The following MACROD2 variants were observed in gnomAD, a reference collection of about 807,000 sequenced individuals.
The protein encoded by MACROD2 is ADP-ribose glycohydrolase MACROD2.
Under a neutral mutation model 70.4 loss-of-function variants are expected in MACROD2, and 36 were observed. That is an observed-to-expected ratio of 0.51 (90% confidence interval 0.39 to 0.68). The LOEUF is 0.68. MACROD2 is among the 30% of genes least tolerant of loss of function. The pLI, the probability that MACROD2 is intolerant of heterozygous loss-of-function variation, is 0.00. For missense variants in MACROD2, 496 were observed against 538.4 expected, an observed-to-expected ratio of 0.92 and a Z score of 0.78; for synonymous variants, 172 against 178.8, an observed-to-expected ratio of 0.96 and a Z score of 0.30.
chr20:15,002,453 A>G (rs6135322), intron 5 of MACROD2, among the ~76,000 whole-genome samples: 2 of 151,872 alleles, frequency 1.3e-5, no homozygotes, highest in East Asian at 3.9e-4. Flanking sequence ...CCACTTTTCG[A>G]TGGGATTGTT....
chr20:15,584,394 AT>A (rs1293028874), intron 8 of MACROD2, among the ~76,000 whole-genome samples: 7 of 151,128 alleles, frequency 4.6e-5, no homozygotes, highest in African/African-American at 1.7e-4. Context: ...CTGAGATAAA[AT>A]GGAATAGCTT....
intron 9 of MACROD2, among the ~76,000 whole-genome samples, chr20:15,877,392 T>C (rs1235738223): frequency 6.6e-6 from 1 of 152,176 alleles, no homozygotes; most frequent in Non-Finnish European, 1.5e-5. Flanking sequence ...GCTTGATTTA[T>C]AAAGTAATTA....
chr20:15,564,018 T>C (rs2048279012), intron 8 of MACROD2, among the ~76,000 whole-genome samples: 1 of 152,204 alleles, frequency 6.6e-6, no homozygotes. Context: ...TTAGATCCCC[T>C]AAACTTCCTT....
At chr20:15,901,730 A>C (rs138245742) in intron 10 of MACROD2, among the ~76,000 whole-genome samples, 1 of 152,168 alleles carries the variant, frequency 6.6e-6, no homozygotes, top group African/African-American at 2.4e-5. Context: ...ACCATTTCTC[A>C]ATCTCTACTT....
chr20:15,890,668 C>A (rs2064877049), intron 10 of MACROD2, among the ~76,000 whole-genome samples: 1 of 152,134 alleles, frequency 6.6e-6, no homozygotes, highest in African/African-American at 2.4e-5. Flanking sequence ...CCACAGAAAA[C>A]CTAGCCTAGT....
At chr20:15,126,597 T>A (rs1471312311) in intron 5 of MACROD2, among the ~76,000 whole-genome samples, 1 of 152,098 alleles carries the variant, frequency 6.6e-6, no homozygotes, top group African/African-American at 2.4e-5. Flanking sequence ...ATAATTGAAA[T>A]AGCTCAAAGT....
At chr20:14,740,371 A>G (rs920793999) in intron 5 of MACROD2, among the ~76,000 whole-genome samples, 3 of 152,126 alleles carry the variant, frequency 2.0e-5, no homozygotes, top group Non-Finnish European at 2.9e-5. Flanking sequence ...CTATCACCCT[A>G]CTAAATAATT....
intron 8 of MACROD2, among the ~76,000 whole-genome samples, chr20:15,836,040 G>C (rs2064110729): frequency 6.6e-6 from 1 of 152,168 alleles, no homozygotes; most frequent in Non-Finnish European, 1.5e-5. Context: ...CTCAGATCAA[G>C]TCCATTTCCA....
chr20:14,966,413 G>A (rs1160258115), intron 5 of MACROD2, among the ~76,000 whole-genome samples: 1 of 151,956 alleles, frequency 6.6e-6, no homozygotes, highest in Non-Finnish European at 1.5e-5. Context: ...CCATTTCTAC[G>A]AAGAATAAAA....
chr20:14,431,876 G>T (rs1264839892), intron 3 of MACROD2, among the ~76,000 whole-genome samples: 1 of 152,040 alleles, frequency 6.6e-6, no homozygotes, highest in Non-Finnish European at 1.5e-5. Context: ...AAGCTCTGTT[G>T]CAATTACCTC....
At chr20:15,774,817 A>G (rs2051694436) in intron 8 of MACROD2, among the ~76,000 whole-genome samples, 1 of 151,700 alleles carries the variant, frequency 6.6e-6, no homozygotes, top group Non-Finnish European at 1.5e-5. Context: ...GAAAAAAAAA[A>G]TGTGTTAATG....
intron 6 of MACROD2, among the ~76,000 whole-genome samples, chr20:15,300,201 C>G (rs760077488): frequency 2.0e-5 from 3 of 152,102 alleles, no homozygotes; most frequent in Non-Finnish European, 4.4e-5. Flanking sequence ...GCTTTTGTCT[C>G]CATAGAGAGT....
At chr20:15,308,558 C>A (rs1458160310) in intron 6 of MACROD2, among the ~76,000 whole-genome samples, 6 of 152,094 alleles carry the variant, frequency 3.9e-5, no homozygotes, top group Non-Finnish European at 8.8e-5. Flanking sequence ...ACTCAAACTT[C>A]CAGTGTTAAA....
intron 3 of MACROD2, among the ~76,000 whole-genome samples, chr20:14,464,954 A>C (rs1406659995): frequency 2.0e-5 from 3 of 152,100 alleles, no homozygotes; most frequent in Non-Finnish European, 2.9e-5. Context: ...TTTACTTCCA[A>C]CTATGTGGTC....
chr20:15,894,634 A>G (rs1186449405), intron 10 of MACROD2, among the ~76,000 whole-genome samples: 1 of 152,224 alleles, frequency 6.6e-6, no homozygotes, highest in Non-Finnish European at 1.5e-5. Context: ...CAAGGAGCAA[A>G]GGAGGAATAT....
At chr20:14,062,151 T>A (rs1425625176) in intron 2 of MACROD2, among the ~76,000 whole-genome samples, 1 of 152,198 alleles carries the variant, frequency 6.6e-6, no homozygotes, top group Non-Finnish European at 1.5e-5. Flanking sequence ...TCTATTATTG[T>A]TCACTAAAAT....
At chr20:15,313,511 A>C (rs2077776404) in intron 6 of MACROD2, among the ~76,000 whole-genome samples, 1 of 151,612 alleles carries the variant, frequency 6.6e-6, no homozygotes, top group East Asian at 1.9e-4. Context: ...CGTCTCAAAA[A>C]AAAAAAAAAA....
chr20:15,387,738 A>T (rs1016510333), intron 6 of MACROD2, among the ~76,000 whole-genome samples: 1 of 130,336 alleles, frequency 7.7e-6, no homozygotes, highest in Non-Finnish European at 1.7e-5. Flanking sequence ...AAACTCAGGG[A>T]TTTTTTTTTT....
intron 6 of MACROD2, among the ~76,000 whole-genome samples, chr20:15,244,021 A>T (rs1363902863): frequency 6.6e-6 from 1 of 152,180 alleles, no homozygotes; most frequent in Non-Finnish European, 1.5e-5. Flanking sequence ...TTAATAAGTT[A>T]TATTAAATAT....
Sources: allele counts gnomAD v4.1 joint callset (sites outside exome capture counted in the v4.1 genomes callset), GRCh38; gene constraint gnomAD v4.1.1; transcripts MANE v1.5; gene names NCBI Gene and HGNC (gene_info 2026-07-23, HGNC 2026-07-21).